MYO1B: variants seen among roughly 807,000 people sequenced by gnomAD.
MYO1B encodes the protein myosin IB.
MYO1B carries 72 observed loss-of-function variants against 159.7 expected under a neutral mutation model. The observed-to-expected ratio is 0.45, with a 90% CI of 0.37 to 0.55. The LOEUF (loss-of-function observed/expected upper bound fraction) is 0.55, where lower values mean the gene tolerates loss of function less well. Ranked by LOEUF, MYO1B falls within the 20% of genes least tolerant of loss-of-function variation. MYO1B has a pLI of 0.00. For missense variants in MYO1B, 1,062 were observed against 1,364.8 expected (o/e 0.78, Z 3.50); for synonymous variants, 468 against 473.8 (o/e 0.99, Z 0.16).
At chr2:191,270,017 A>G (rs1687363375) in intron 1 of MYO1B, among the ~76,000 whole-genome samples, 2 of 152,308 alleles carry the variant, frequency 1.3e-5, no homozygotes, top group East Asian at 1.9e-4. Context: ...CAGGCTGTCG[A>G]TAATATGGGT....
At position 191,408,163 on chromosome 2, in the gene MYO1B, A is replaced by G; in HGVS notation, c.2605A>G (p.Ile869Val). 2 of 1,613,390 alleles carry G rather than the reference A, an allele frequency of 1.2e-6. No homozygotes were observed. Among genetic ancestry groups the G allele is most frequent in the Non-Finnish European group, 1.7e-6 (2 of 1,179,452 alleles). ...CTTCAGAGCCAATGCTGGAAAGAAA[A>G]TCTATGAGTTTACGCTTCAGAGAAT... ...KFFRANAGKK[I>V]YEFTLQRIVQ... The change falls in exon 25 of 31, where the codon ATC becomes GTC. Residue 869 changes from isoleucine to valine, a missense_variant. Around this residue, in one of 5 missense-constraint regions of MYO1B, gnomAD observed 609 missense variants for 744.4 expected, o/e 0.82. Transcript: ENST00000392318.
chr2:191,320,273 G>A (rs1335126570), intron 3 of MYO1B, among the ~76,000 whole-genome samples: 22 of 152,124 alleles, frequency 1.4e-4, no homozygotes, highest in Admixed American at 1.4e-3. Context: ...GGTAGGGACA[G>A]TATCCTTTGT....
intron 1 of MYO1B, among the ~76,000 whole-genome samples, chr2:191,269,376 T>C (rs1574302445): frequency 6.6e-6 from 1 of 152,246 alleles, no homozygotes; most frequent in East Asian, 1.9e-4. Context: ...GTATGTACCA[T>C]ATTTTGTTTA....
At chr2:191,284,850 T>C (rs990028461) in intron 2 of MYO1B, among the ~76,000 whole-genome samples, 2 of 152,184 alleles carry the variant, frequency 1.3e-5, no homozygotes, top group African/African-American at 2.4e-5. Context: ...GCCAGGCTGG[T>C]CTTGAACTCC....
At chr2:191,367,740 T>G (rs1694096429) in intron 11 of MYO1B, among the ~76,000 whole-genome samples, 1 of 152,166 alleles carries the variant, frequency 6.6e-6, no homozygotes, top group Non-Finnish European at 1.5e-5. Flanking sequence ...TGTTTTGAGA[T>G]AACTTGAATT....
intron 1 of MYO1B, among the ~76,000 whole-genome samples, chr2:191,267,819 T>A (rs944105934): frequency 1.1e-4 from 16 of 152,240 alleles, no homozygotes; most frequent in Non-Finnish European, 2.4e-4. Flanking sequence ...CTTTGGTTTC[T>A]AACTTTAATC....
intron 13 of MYO1B, chr2:191,378,003 T>G (rs1694815075): frequency 2.0e-5 from 3 of 152,138 alleles, no homozygotes; most frequent in African/African-American, 7.2e-5. Flanking sequence ...TTGTTTTGGT[T>G]TTTTTTTGGC....
intron 3 of MYO1B, among the ~76,000 whole-genome samples, chr2:191,321,268 T>C (rs1039572031): frequency 6.6e-6 from 1 of 152,176 alleles, no homozygotes; most frequent in Non-Finnish European, 1.5e-5. Context: ...GTTGTAAAGG[T>C]GATTAGCAAG....
chr2:191,261,115 T>C (rs566480643), intron 1 of MYO1B, among the ~76,000 whole-genome samples: 1 of 152,334 alleles, frequency 6.6e-6, no homozygotes, highest in East Asian at 1.9e-4. Context: ...GCTAGAGGGC[T>C]ACCCTGTAGT....
Position 191,410,730 on chromosome 2 carries a change from T to C in MYO1B, c.2767-336T>C, listed in dbSNP as rs1055482497. The stretch of plus-strand genomic sequence containing the variant: ...GGATTGTGATGCACAATATTTTTAC[T>C]GTGAGTCTCTCTAGAAGAGTGACAG... On this transcript the variant is annotated intron_variant, in intron 26 of 30. Coordinates refer to ENST00000392318, the MANE Select transcript of MYO1B (RefSeq NM_001130158.3). 3.6e-4 allele frequency among the ~76,000 whole-genome samples: 55 copies of C among 152,208 alleles called. 2 individuals are homozygous for C. Among genetic ancestry groups the C allele is most frequent in the Non-Finnish European group, 1.5e-4 (10 of 68,038 alleles).
Position 191,400,473 on chromosome 2 carries a change from G to T in MYO1B, c.2382+5G>T. On this transcript the variant is annotated splice_donor_5th_base_variant and intron_variant, in intron 22 of 30. Transcript: ENST00000392318. ...GCATATTGGCATGGGACCCAGGTAG[G>T]CCCGAGACCCCAAGGAAGGCGGTGG... The T allele has an allele frequency of 1.9e-6, 3 of 1,614,114 alleles. No homozygotes were observed. The highest frequency in any genetic ancestry group is 2.5e-6 in the Non-Finnish European group (3 of 1,179,986).
At position 191,295,243 on chromosome 2, in the gene MYO1B, C is replaced by T. The variant is rs112837536; in HGVS notation, c.136-868C>T. On this transcript the variant is annotated intron_variant, in intron 2 of 30. Coordinates refer to ENST00000392318, the MANE Select transcript of MYO1B (RefSeq NM_001130158.3). ...GCCAAGATAAGTTACAGTTAAGTGA[C>T]GTTTGCTTGTGGCATTGTCCTTGGC... is the stretch of plus-strand genomic sequence containing the variant. 2.7e-3 allele frequency among the ~76,000 whole-genome samples: 404 copies of T among 152,044 alleles called. 1 individual carries two copies. Among genetic ancestry groups the T allele is most frequent in the Non-Finnish European group, 4.8e-3 (325 of 67,992 alleles).
chr2:191,332,211 C>T (rs1194718786), intron 4 of MYO1B, among the ~76,000 whole-genome samples: 1 of 152,180 alleles, frequency 6.6e-6, no homozygotes, highest in Non-Finnish European at 1.5e-5. Flanking sequence ...GATCCACCCA[C>T]CTTGGCCTCC....
rs547515308 is a variant in MYO1B, at chr2:191,265,146, T to G, written c.-9-11741T>G. Among the ~76,000 whole-genome samples the G allele has an allele frequency of 8.6e-5, 13 of 151,840 alleles. No homozygotes were observed. In the South Asian group the frequency reaches 1.9e-3, roughly 22 times the overall value. On this transcript the variant is annotated intron_variant, in intron 1 of 30. Coordinates refer to ENST00000392318, the MANE Select transcript of MYO1B (RefSeq NM_001130158.3). ...GTGCACTAAATTCAGTACATTTCTC[T>G]CCATTGTCACTAAAAGAGCCTGAAC...
intron 7 of MYO1B, among the ~76,000 whole-genome samples, chr2:191,354,654 TACA>T (rs1311829008): frequency 1.3e-5 from 2 of 151,976 alleles, no homozygotes; most frequent in African/African-American, 2.4e-5. Flanking sequence ...AGTAGCAGAG[TACA>T]ACAAGTTTGG....
intron 1 of MYO1B, among the ~76,000 whole-genome samples, chr2:191,254,511 CTT>C (rs762341201): frequency 2.8e-5 from 4 of 144,712 alleles, no homozygotes; most frequent in Non-Finnish European, 3.1e-5. Flanking sequence ...CGCCCGGCCT[CTT>C]TTTTTTTTTT....
intron 3 of MYO1B, among the ~76,000 whole-genome samples, chr2:191,305,000 A>G (rs1689562581): frequency 2.0e-5 from 3 of 152,202 alleles, no homozygotes; most frequent in African/African-American, 7.2e-5. Context: ...GATGTGGCTG[A>G]CCTTTGACAG....
At chr2:191,281,302 A>T (rs940378161) in intron 2 of MYO1B, among the ~76,000 whole-genome samples, 2 of 152,184 alleles carry the variant, frequency 1.3e-5, no homozygotes, top group East Asian at 3.9e-4. Flanking sequence ...TCAGTTGGAG[A>T]TGGAGGAGGA....
intron 5 of MYO1B, 140 bp from the exon 6 acceptor site, chr2:191,346,094 CTA>C: frequency 1.5e-6 from 1 of 670,176 alleles, no homozygotes; most frequent in Admixed American, 3.5e-5. Flanking sequence ...AAGTATATTT[CTA>C]TGGAAGTTTT....
Sources: allele counts gnomAD v4.1 joint callset (sites outside exome capture counted in the v4.1 genomes callset), GRCh38; gene constraint gnomAD v4.1.1; regional missense constraint gnomAD v4.1.1; transcripts MANE v1.5; gene names NCBI Gene and HGNC (gene_info 2026-07-23, HGNC 2026-07-21).